Variants in CREB5 observed in about 807,000 individuals in gnomAD.
CREB5 encodes the protein cAMP responsive element binding protein 5.
In CREB5, 19 loss-of-function variants were observed where a neutral mutation model predicts 57.1. The observed-to-expected ratio is 0.33, with a 90% CI of 0.23 to 0.49. The LOEUF (loss-of-function observed/expected upper bound fraction) is 0.49, where lower values mean the gene tolerates loss of function less well. Among genes scored for constraint, CREB5 ranks in the 20% least tolerant of loss-of-function variants. The probability of loss-of-function intolerance (pLI) is 0.99; values close to 1 mark genes in which losing one functional copy is unlikely to be tolerated. For missense variants in CREB5, 579 were observed against 671.6 expected, an observed-to-expected ratio of 0.86 and a Z score of 1.52; for synonymous variants, 238 against 238.3, an observed-to-expected ratio of 1.00 and a Z score of 0.01.
chr7:28,359,357 T>C (rs1222700997), intron 1 of CREB5, among the ~76,000 whole-genome samples: 1 of 152,132 alleles, frequency 6.6e-6, no homozygotes, highest in Non-Finnish European at 1.5e-5. Context: ...ACCTCCCCTA[T>C]AAGAGCGTTG....
chr7:28,457,021 G>A (rs1790123310), intron 1 of CREB5, among the ~76,000 whole-genome samples: 1 of 152,210 alleles, frequency 6.6e-6, no homozygotes, highest in Non-Finnish European at 1.5e-5. Flanking sequence ...CTGCTACTTA[G>A]TAATATAGCA....
intron 10 of CREB5, 35 bp from the exon 11 acceptor site, chr7:28,819,081 G>A: frequency 1.2e-6 from 2 of 1,600,948 alleles, no homozygotes; most frequent in Non-Finnish European, 1.7e-6. Context: ...TGGTGTGTGT[G>A]TATGTGTGTG....
chr7:28,462,379 T>C (rs1790385685), intron 1 of CREB5, among the ~76,000 whole-genome samples: 1 of 152,224 alleles, frequency 6.6e-6, no homozygotes, highest in East Asian at 1.9e-4. Context: ...TGAACATCGA[T>C]GTATGAGTTT....
intron 5 of CREB5, among the ~76,000 whole-genome samples, chr7:28,585,678 A>G (rs909537852): frequency 6.6e-6 from 1 of 152,120 alleles, no homozygotes; most frequent in Non-Finnish European, 1.5e-5. Context: ...GCTCCCAGAA[A>G]CCTAATGCTC....
At chr7:28,726,064 T>C (rs1195931173) in intron 7 of CREB5, among the ~76,000 whole-genome samples, 1 of 152,202 alleles carries the variant, frequency 6.6e-6, no homozygotes, top group African/African-American at 2.4e-5. Flanking sequence ...TAGTGAATCA[T>C]GTCAGTTGGA....
chr7:28,406,260 G>C (rs925733922), intron 1 of CREB5, among the ~76,000 whole-genome samples: 1 of 152,162 alleles, frequency 6.6e-6, no homozygotes, highest in Non-Finnish European at 1.5e-5. Flanking sequence ...CATGGGAGTT[G>C]GTAAATACCT....
intron 1 of CREB5, among the ~76,000 whole-genome samples, chr7:28,429,795 C>T (rs1488288371): frequency 6.6e-6 from 1 of 152,168 alleles, no homozygotes; most frequent in African/African-American, 2.4e-5. Context: ...TTATAGTGAC[C>T]TTTGACAAGG....
At chr7:28,706,100 A>G (rs1172817040) in intron 5 of CREB5, among the ~76,000 whole-genome samples, 1 of 152,226 alleles carries the variant, frequency 6.6e-6, no homozygotes, top group Non-Finnish European at 1.5e-5. Flanking sequence ...TGCGCCTGTA[A>G]TCCCAACACT....
chr7:28,622,259 T>TCTCTCACA (rs1238367079), intron 5 of CREB5, among the ~76,000 whole-genome samples: 26 of 142,894 alleles, frequency 1.8e-4, no homozygotes, highest in African/African-American at 6.7e-4. Flanking sequence ...TCTCTCTCTC[T>TCTCTCACA]CACACACACA....
At chr7:28,689,348 G>T (rs1801121374) in intron 5 of CREB5, among the ~76,000 whole-genome samples, 1 of 152,030 alleles carries the variant, frequency 6.6e-6, no homozygotes, top group South Asian at 2.1e-4. Context: ...GACACCTGTA[G>T]CCCCAGCTAC....
intron 1 of CREB5, chr7:28,435,736 C>A: frequency 1.1e-6 from 1 of 877,484 alleles, no homozygotes; most frequent in Non-Finnish European, 1.4e-6. Flanking sequence ...GAACCAAACA[C>A]TCAGATGTAA....
intron 1 of CREB5, among the ~76,000 whole-genome samples, chr7:28,422,251 G>T (rs1293767789): frequency 3.9e-5 from 6 of 152,144 alleles, no homozygotes; most frequent in Non-Finnish European, 4.4e-5. Context: ...GAAGGAGATG[G>T]TTTGCTGTGT....
At chr7:28,711,303 C>T (rs902004322) in intron 5 of CREB5, among the ~76,000 whole-genome samples, 5 of 152,166 alleles carry the variant, frequency 3.3e-5, no homozygotes, top group Non-Finnish European at 4.4e-5. Context: ...TGGGGAAATC[C>T]CAGATCTTCA....
At chr7:28,677,880 C>A (rs1800391359) in intron 5 of CREB5, among the ~76,000 whole-genome samples, 1 of 151,850 alleles carries the variant, frequency 6.6e-6, no homozygotes. Context: ...TGCAGTGAGA[C>A]CCCATCTCTA....
intron 1 of CREB5, among the ~76,000 whole-genome samples, chr7:28,366,762 G>A (rs538072490): frequency 6.6e-6 from 1 of 152,116 alleles, no homozygotes; most frequent in Non-Finnish European, 1.5e-5. Flanking sequence ...TCCAATATTC[G>A]TTACCTAGCT....
intron 1 of CREB5, among the ~76,000 whole-genome samples, chr7:28,385,948 C>G (rs1295979995): frequency 6.6e-6 from 1 of 151,954 alleles, no homozygotes; most frequent in East Asian, 1.9e-4. Context: ...CAGAATGGCT[C>G]CATCTTATCT....
At chr7:28,443,363 C>T (rs1332200748) in intron 1 of CREB5, among the ~76,000 whole-genome samples, 4 of 152,088 alleles carry the variant, frequency 2.6e-5, no homozygotes, top group Admixed American at 1.3e-4. Context: ...ACCTTTGCTC[C>T]CAAGGGAGAT....
At chr7:28,584,226 G>A (rs538940729) in intron 5 of CREB5, among the ~76,000 whole-genome samples, 1 of 152,100 alleles carries the variant, frequency 6.6e-6, no homozygotes, top group Non-Finnish European at 1.5e-5. Context: ...TCTCCCAGGC[G>A]AGGCCCTGTG....
At chr7:28,748,800 A>G (rs1583663981) in intron 7 of CREB5, among the ~76,000 whole-genome samples, 1 of 152,164 alleles carries the variant, frequency 6.6e-6, no homozygotes, top group Non-Finnish European at 1.5e-5. Context: ...CCCTCCAGAC[A>G]GTGAGTTTGC....
Sources: gnomAD v4.1 joint callset for allele counts (sites outside exome capture counted in the v4.1 genomes callset) on GRCh38, gnomAD v4.1.1 for gene constraint, MANE v1.5 for transcripts, NCBI Gene and HGNC (gene_info 2026-07-23, HGNC 2026-07-21) for gene names.